Variants in BANK1 observed in about 807,000 individuals in gnomAD.
The protein encoded by BANK1 is B-cell scaffold protein with ankyrin repeats.
BANK1 carries 95 observed loss-of-function variants against 94.5 expected under a neutral mutation model. That is an observed-to-expected ratio of 1.00 (90% confidence interval 0.85 to 1.19). The LOEUF (loss-of-function observed/expected upper bound fraction) is 1.19, where lower values mean the gene tolerates loss of function less well. BANK1 is among the 50% of genes most tolerant of loss of function. BANK1 has a pLI of 0.00. For synonymous variants in BANK1, 334 were observed against 308.4 expected, an observed-to-expected ratio of 1.08 and a Z score of -0.87; for missense variants, 987 against 932.2, an observed-to-expected ratio of 1.06 and a Z score of -0.77.
chr4:101,837,139 A>T (rs912596546), intron 2 of BANK1, among the ~76,000 whole-genome samples: 1 of 152,220 alleles, frequency 6.6e-6, no homozygotes, highest in Non-Finnish European at 1.5e-5. Flanking sequence ...AATTTTTTTT[A>T]AATTAGCAGG....
chr4:101,978,702 A>G (rs1426325512), intron 7 of BANK1, among the ~76,000 whole-genome samples: 2 of 152,048 alleles, frequency 1.3e-5, no homozygotes, highest in Admixed American at 1.3e-4. Flanking sequence ...AAAAAAAAAG[A>G]ATTGTGGCTT....
intron 4 of BANK1, among the ~76,000 whole-genome samples, chr4:101,865,145 G>A (rs557802953): frequency 2.0e-5 from 3 of 152,142 alleles, no homozygotes; most frequent in South Asian, 2.1e-4. Flanking sequence ...ACACCAACAC[G>A]TCATACTTTG....
intron 7 of BANK1, among the ~76,000 whole-genome samples, chr4:101,996,759 G>A (rs1725892849): frequency 6.6e-6 from 1 of 152,168 alleles, no homozygotes; most frequent in South Asian, 2.1e-4. Flanking sequence ...AGGAATGCTT[G>A]TGATTTTTGC....
rs116462865 is a variant in BANK1, at chr4:102,064,702, A to G, written c.2212+1564A>G. Among the ~76,000 whole-genome samples, 782 of 152,364 alleles carry G rather than the reference A, an allele frequency of 5.1e-3. 5 individuals are homozygous for G. Among genetic ancestry groups the G allele is most frequent in the Non-Finnish European group, 8.2e-3 (555 of 68,034 alleles). The stretch of plus-strand genomic sequence containing the variant: ...CACAGGACACTATTACCAGGCAAAT[A>G]TATGAAGCAAGTGATATTAGGAGGC... On this transcript the variant is annotated intron_variant, in intron 13 of 16. Transcript: ENST00000322953.
chr4:101,943,782 A>G (rs1182550986), intron 7 of BANK1, among the ~76,000 whole-genome samples: 2 of 151,952 alleles, frequency 1.3e-5, no homozygotes, highest in Non-Finnish European at 2.9e-5. Context: ...AAGATATTTC[A>G]TAGCATTTTG....
intron 3 of BANK1, among the ~76,000 whole-genome samples, chr4:101,858,486 CT>C (rs557626564): frequency 6.6e-6 from 1 of 152,164 alleles, no homozygotes; most frequent in Non-Finnish European, 1.5e-5. Flanking sequence ...TTCTTTATCT[CT>C]TTTTTTCTTT....
At chr4:101,968,648 G>A (rs1025738633) in intron 7 of BANK1, among the ~76,000 whole-genome samples, 4 of 151,998 alleles carry the variant, frequency 2.6e-5, no homozygotes, top group Non-Finnish European at 4.4e-5. Flanking sequence ...GGGCACTGCT[G>A]AAGAAGGAAA....
chr4:101,982,939 T>C (rs1725369871), intron 7 of BANK1, among the ~76,000 whole-genome samples: 1 of 152,048 alleles, frequency 6.6e-6, no homozygotes, highest in Non-Finnish European at 1.5e-5. Flanking sequence ...CTAAATTCCC[T>C]AAAATTTAAT....
intron 1 of BANK1, among the ~76,000 whole-genome samples, chr4:101,810,077 G>A (rs770832026): frequency 4.6e-5 from 7 of 152,178 alleles, no homozygotes; most frequent in Non-Finnish European, 8.8e-5. Context: ...CAGAGAAATG[G>A]CAGCATGAGA....
intron 1 of BANK1, among the ~76,000 whole-genome samples, chr4:101,799,530 T>C (rs1321184890): frequency 2.0e-5 from 3 of 152,184 alleles, no homozygotes; most frequent in Non-Finnish European, 4.4e-5. Flanking sequence ...CTATTCACAA[T>C]AGCAAAGACT....
chr4:101,925,737 A>G (rs1723132991), intron 7 of BANK1, among the ~76,000 whole-genome samples: 2 of 151,672 alleles, frequency 1.3e-5, no homozygotes, highest in Admixed American at 6.6e-5. Flanking sequence ...TGTAATTTTT[A>G]GAGTTCTGAT....
intron 7 of BANK1, among the ~76,000 whole-genome samples, chr4:101,960,141 G>T (rs1005705921): frequency 2.0e-4 from 31 of 152,030 alleles, no homozygotes; most frequent in African/African-American, 7.3e-4. Context: ...AACTAGGAGG[G>T]CATTTTTACT....
intron 1 of BANK1, among the ~76,000 whole-genome samples, chr4:101,808,412 T>G (rs1257665694): frequency 2.6e-5 from 4 of 152,118 alleles, no homozygotes; most frequent in Non-Finnish European, 5.9e-5. Flanking sequence ...AAGTAAAAAT[T>G]TATAGAGTTT....
chr4:102,036,548 A>T (rs1727519540), intron 10 of BANK1: 2 of 152,218 alleles, frequency 1.3e-5, no homozygotes, highest in South Asian at 4.1e-4. Flanking sequence ...TGTATATCAC[A>T]GGTGCTCTCA....
At chr4:102,061,451 T>TGTAGAGTTCTGCA (rs1258418752) in intron 12 of BANK1, 1 of 152,202 alleles carries the variant, frequency 6.6e-6, no homozygotes, top group Non-Finnish European at 1.5e-5. Flanking sequence ...GAATACTGAT[T>TGTAGAGTTCTGCA]GTAGAGTTCT....
At chr4:102,021,906 C>T (rs1029339876) in intron 8 of BANK1, among the ~76,000 whole-genome samples, 4 of 151,914 alleles carry the variant, frequency 2.6e-5, no homozygotes, top group Admixed American at 2.6e-4. Context: ...AAACTCATAA[C>T]CACATTATTT....
At chr4:101,821,826 A>G (rs1433053481) in intron 1 of BANK1, among the ~76,000 whole-genome samples, 1 of 152,186 alleles carries the variant, frequency 6.6e-6, no homozygotes, top group Non-Finnish European at 1.5e-5. Flanking sequence ...ATGGCCATAC[A>G]GGAAAGCAGC....
intron 7 of BANK1, among the ~76,000 whole-genome samples, chr4:101,967,483 A>G (rs1366644808): frequency 2.6e-5 from 4 of 152,016 alleles, no homozygotes. Context: ...GATTTAAACA[A>G]ATTGAGAAAG....
At chr4:101,952,138 G>C (rs916000608) in intron 7 of BANK1, among the ~76,000 whole-genome samples, 1 of 152,078 alleles carries the variant, frequency 6.6e-6, no homozygotes, top group Non-Finnish European at 1.5e-5. Context: ...GTCTTCACTT[G>C]ATGTTGTTGA....
Sources: allele counts gnomAD v4.1 joint callset (sites outside exome capture counted in the v4.1 genomes callset), GRCh38; gene constraint gnomAD v4.1.1; transcripts MANE v1.5; gene names NCBI Gene and HGNC (gene_info 2026-07-23, HGNC 2026-07-21).